Variants in LCLAT1 observed in about 807,000 individuals in gnomAD.
LCLAT1 encodes lysocardiolipin acyltransferase 1.
Under a neutral mutation model 30.7 loss-of-function variants are expected in LCLAT1, and 11 were observed. The ratio of observed to expected loss-of-function variants is 0.36; its 90% CI spans 0.23 to 0.59. The LOEUF is 0.59. Ranked by LOEUF, LCLAT1 falls within the 20% of genes least tolerant of loss-of-function variation. LCLAT1 has a pLI of 0.77. For missense variants in LCLAT1, 402 were observed against 458.6 expected (o/e 0.88, Z 1.13); for synonymous variants, 155 against 151.3 (o/e 1.02, Z -0.18).
chr2:30,533,338 A>C lies in LCLAT1; in HGVS notation c.364+24A>C, dbSNP rs1306164791. 1.9e-6 allele frequency: 3 copies of C among 1,590,288 alleles called. No homozygotes were observed. In the East Asian group the frequency reaches 6.7e-5, roughly 36 times the overall value. Reference sequence around the variant, plus strand: ...TGGTAGGTTATTCACACATTATTTTAAGTGGTTCATTCATTTTAGATGTAA... The same window carrying C: ...TGGTAGGTTATTCACACATTATTTTCAGTGGTTCATTCATTTTAGATGTAA... On this transcript the variant is annotated intron_variant, in intron 3 of 5. Coordinates refer to ENST00000379509, the MANE Select transcript of LCLAT1 (RefSeq NM_001002257.3).
At chr2:30,455,411 T>C (rs1681782585) in intron 1 of LCLAT1, among the ~76,000 whole-genome samples, 1 of 152,336 alleles carries the variant, frequency 6.6e-6, no homozygotes, top group Admixed American at 6.5e-5. Context: ...GCCAGAATTC[T>C]GAAATCATTA....
chr2:30,609,500 C>T (rs547087729), intron 5 of LCLAT1, among the ~76,000 whole-genome samples: 1 of 151,980 alleles, frequency 6.6e-6, no homozygotes, highest in Non-Finnish European at 1.5e-5. Flanking sequence ...TATATTAAGT[C>T]CCCATATATT....
intron 1 of LCLAT1, among the ~76,000 whole-genome samples, chr2:30,469,353 A>G (rs1400123259): frequency 6.6e-6 from 1 of 152,064 alleles, no homozygotes; most frequent in East Asian, 1.9e-4. Flanking sequence ...TTTTCGTATA[A>G]GAATTTTATA....
chr2:30,504,393 A>C (rs1330191037), intron 1 of LCLAT1, among the ~76,000 whole-genome samples: 2 of 152,150 alleles, frequency 1.3e-5, no homozygotes, highest in African/African-American at 2.4e-5. Context: ...GGAAGAGATA[A>C]ATGCTACTCA....
chr2:30,505,049 G>A (rs768526319), intron 1 of LCLAT1, among the ~76,000 whole-genome samples: 2 of 152,082 alleles, frequency 1.3e-5, no homozygotes, highest in African/African-American at 2.4e-5. Context: ...TGCATATTGT[G>A]TCATAGTATT....
chr2:30,630,688 T>C (rs1668726142), intron 5 of LCLAT1, among the ~76,000 whole-genome samples: 1 of 152,194 alleles, frequency 6.6e-6, no homozygotes, highest in Admixed American at 6.5e-5. Context: ...CTATCTGTAG[T>C]TTTTTATGAA....
chr2:30,549,030 A>G (rs146359780), intron 3 of LCLAT1, among the ~76,000 whole-genome samples: 97 of 152,336 alleles, frequency 6.4e-4, no homozygotes, highest in African/African-American at 2.3e-3. Context: ...TACCAGGATT[A>G]CCTTTCTTTC....
At chr2:30,495,352 C>T (rs1476543019) in intron 1 of LCLAT1, among the ~76,000 whole-genome samples, 1 of 152,050 alleles carries the variant, frequency 6.6e-6, no homozygotes, top group Non-Finnish European at 1.5e-5. Flanking sequence ...GTTTAATTCT[C>T]TCTAATCCAA....
chr2:30,570,813 G>T (rs1009984617), intron 5 of LCLAT1, among the ~76,000 whole-genome samples: 2 of 152,220 alleles, frequency 1.3e-5, no homozygotes, highest in Non-Finnish European at 2.9e-5. Flanking sequence ...TGCTGCCTGA[G>T]ATAACGGGGG....
intron 5 of LCLAT1, among the ~76,000 whole-genome samples, chr2:30,584,024 C>T (rs1351128280): frequency 1.3e-5 from 2 of 151,900 alleles, no homozygotes; most frequent in Non-Finnish European, 2.9e-5. Context: ...TCCCTCCCCT[C>T]GCCCCCCACC....
chr2:30,623,933 C>G (rs1162411144), intron 5 of LCLAT1, among the ~76,000 whole-genome samples: 1 of 152,148 alleles, frequency 6.6e-6, no homozygotes, highest in Non-Finnish European at 1.5e-5. Context: ...AGAAACCCAG[C>G]AAGCTAAAAG....
intron 5 of LCLAT1, among the ~76,000 whole-genome samples, chr2:30,614,988 A>T (rs1226197066): frequency 7.9e-5 from 12 of 152,152 alleles, no homozygotes; most frequent in African/African-American, 2.9e-4. Flanking sequence ...TTCTGGTGGA[A>T]TGATGAGGGC....
chr2:30,573,126 C>A lies in LCLAT1; in HGVS notation c.628+4950C>A, dbSNP rs186370517. ...AATTGGAAAATTAATAAAGAAGAAA[C>A]TGTTGTGCAAGCCAGAAACCTGGGA... is the stretch of plus-strand genomic sequence containing the variant. On this transcript the variant is annotated intron_variant, in intron 5 of 5. Transcript: ENST00000379509. 2.1e-3 allele frequency among the ~76,000 whole-genome samples: 317 copies of A among 152,288 alleles called. 3 individuals carry two copies. Among genetic ancestry groups the A allele is most frequent in the South Asian group, 7.3e-3 (35 of 4,826 alleles).
At position 30,640,226 on chromosome 2, in the gene LCLAT1, C is replaced by T. The variant is rs12467646; in HGVS notation, c.738C>T (p.His246=). The T allele has an allele frequency of 0.14, 228,357 of 1,613,426 alleles. 17,757 individuals are homozygous for T. Among genetic ancestry groups the T allele is most frequent in the Admixed American group, 0.24 (14,634 of 59,888 alleles). Residue 246 remains histidine (H), a synonymous_variant, in exon 6 of 6, where the codon CAC becomes CAT. Transcript: ENST00000379509. Reference sequence around the variant, plus strand: ...ACTTTCCCAGGGAAATCCACTTTCACGTCCACCGGTATCCAATAGACACCC... The same window carrying T: ...ACTTTCCCAGGGAAATCCACTTTCATGTCCACCGGTATCCAATAGACACCC... ...QGDFPREIHF[H]VHRYPIDTLP...
At chr2:30,594,278 A>G (rs1572670626) in intron 5 of LCLAT1, among the ~76,000 whole-genome samples, 1 of 152,162 alleles carries the variant, frequency 6.6e-6, no homozygotes, top group South Asian at 2.1e-4. Context: ...CTACTGATTC[A>G]TATAGTTTTT....
intron 5 of LCLAT1, among the ~76,000 whole-genome samples, chr2:30,579,273 C>T (rs901445917): frequency 9.2e-5 from 14 of 152,184 alleles, no homozygotes; most frequent in African/African-American, 3.1e-4. Context: ...AAACATGTTA[C>T]GAGAAGCTTG....
intron 5 of LCLAT1, among the ~76,000 whole-genome samples, chr2:30,593,193 AAT>A (rs1572669231): frequency 6.6e-6 from 1 of 152,190 alleles, no homozygotes; most frequent in East Asian, 1.9e-4. Flanking sequence ...GACTTATTTT[AAT>A]ATGATTACTT....
intron 5 of LCLAT1, among the ~76,000 whole-genome samples, chr2:30,595,390 T>G (rs1666886102): frequency 6.6e-6 from 1 of 152,132 alleles, no homozygotes; most frequent in Non-Finnish European, 1.5e-5. Flanking sequence ...TGAGTGTAAT[T>G]ATGTGCCAAG....
intron 5 of LCLAT1, among the ~76,000 whole-genome samples, chr2:30,622,691 C>G (rs192340141): frequency 6.6e-6 from 1 of 152,240 alleles, no homozygotes; most frequent in East Asian, 1.9e-4. Flanking sequence ...TTGGCTAGAC[C>G]CAGAAAAGAA....
Sources: allele counts gnomAD v4.1 joint callset (sites outside exome capture counted in the v4.1 genomes callset), GRCh38; gene constraint gnomAD v4.1.1; transcripts MANE v1.5; gene names NCBI Gene and HGNC (gene_info 2026-07-23, HGNC 2026-07-21).